Variants in FGF12 observed in about 807,000 individuals in gnomAD.
FGF12 encodes the protein fibroblast growth factor 12B.
FGF12 carries 14 observed loss-of-function variants against 23.6 expected under a neutral mutation model. That is an observed-to-expected ratio of 0.59 (90% CI 0.39 to 0.93). The LOEUF (loss-of-function observed/expected upper bound fraction) is 0.93. FGF12 is among the 40% of genes least tolerant of loss of function. The pLI, the probability that FGF12 is intolerant of heterozygous loss-of-function variation, is 0.00. For synonymous variants in FGF12, 62 were observed against 77.3 expected (o/e 0.80, Z 1.04); for missense variants, 175 against 217.8 (o/e 0.80, Z 1.24).
intron 5 of FGF12, among the ~76,000 whole-genome samples, chr3:192,165,916 C>T (rs531923180): frequency 5.9e-5 from 9 of 152,224 alleles, no homozygotes; most frequent in Admixed American, 2.0e-4. Context: ...CTTTAAATTA[C>T]GTTTCCTCAT....
intron 4 of FGF12, among the ~76,000 whole-genome samples, chr3:192,263,918 T>C (rs1375140914): frequency 1.3e-5 from 2 of 152,088 alleles, no homozygotes; most frequent in Non-Finnish European, 2.9e-5. Context: ...CTTCTTTGAC[T>C]CAAAATCATC....
At chr3:192,527,716 T>C (rs1724985265) in intron 2 of FGF12, among the ~76,000 whole-genome samples, 1 of 152,196 alleles carries the variant, frequency 6.6e-6, no homozygotes, top group South Asian at 2.1e-4. Context: ...ATTTTCATGC[T>C]GCTGATAAAG....
intron 2 of FGF12, among the ~76,000 whole-genome samples, chr3:192,386,883 A>G (rs528039780): frequency 5.1e-4 from 77 of 152,334 alleles, no homozygotes; most frequent in Non-Finnish European, 9.1e-4. Flanking sequence ...AACACTTACA[A>G]TGTTTCAGGT....
At chr3:192,579,417 C>CAT (rs1466070143) in intron 2 of FGF12, among the ~76,000 whole-genome samples, 1 of 152,282 alleles carries the variant, frequency 6.6e-6, no homozygotes, top group African/African-American at 2.4e-5. Context: ...CTGAATTGCG[C>CAT]ATATATATTC....
chr3:192,627,480 C>T (rs1715214042), intron 2 of FGF12, among the ~76,000 whole-genome samples: 1 of 151,752 alleles, frequency 6.6e-6, no homozygotes, highest in Non-Finnish European at 1.5e-5. Flanking sequence ...ATTATCATGC[C>T]AAAGGATTAA....
At chr3:192,627,731 T>A (rs1715224608) in intron 2 of FGF12, among the ~76,000 whole-genome samples, 2 of 152,198 alleles carry the variant, frequency 1.3e-5, no homozygotes, top group African/African-American at 4.8e-5. Context: ...AGAACCCGTG[T>A]ATACTTTACG....
At chr3:192,707,447 G>T (rs1718506846) in intron 2 of FGF12, among the ~76,000 whole-genome samples, 1 of 152,116 alleles carries the variant, frequency 6.6e-6, no homozygotes, top group Admixed American at 6.5e-5. Context: ...GTTCCCCATT[G>T]TTCAAGAATG....
chr3:192,214,599 C>T (rs1718095634), intron 4 of FGF12, among the ~76,000 whole-genome samples: 1 of 152,170 alleles, frequency 6.6e-6, no homozygotes, highest in African/African-American at 2.4e-5. Context: ...TCCTGTGTTC[C>T]ACATAGTTTC....
In FGF12 at chr3:192,378,711, T is replaced by C. The variant is rs1339391989; in HGVS notation, c.14-18173A>G. ...AAACTCCAAGAATCAAAAGCACTTT[T>C]TTTTAGGGTCCGGGGGTGCAGGTGT... is the stretch of plus-strand genomic sequence containing the variant. On this transcript the variant is annotated intron_variant, in intron 2 of 5. Coordinates refer to ENST00000445105, the MANE Select transcript of FGF12 (RefSeq NM_004113.6). Among the ~76,000 whole-genome samples the C allele has an allele frequency of 2.6e-5, 4 of 152,146 alleles. No individual in the cohort carries two copies. In the East Asian group the frequency reaches 7.7e-4, roughly 29 times the overall value.
chr3:192,374,482 T>C (rs1054816569), intron 2 of FGF12, among the ~76,000 whole-genome samples: 2 of 152,236 alleles, frequency 1.3e-5, no homozygotes, highest in Non-Finnish European at 2.9e-5. Context: ...TTGATTATGA[T>C]TTGAAGATTT....
chr3:192,587,028 G>A (rs1401803904), intron 2 of FGF12, among the ~76,000 whole-genome samples: 1 of 152,016 alleles, frequency 6.6e-6, no homozygotes, highest in Non-Finnish European at 1.5e-5. Context: ...ACTGACCCCG[G>A]GGGGTCTACT....
chr3:192,171,307 A>C (rs142645773), intron 4 of FGF12, among the ~76,000 whole-genome samples: 1 of 152,340 alleles, frequency 6.6e-6, no homozygotes, highest in East Asian at 1.9e-4. Flanking sequence ...TCAGTGAAAC[A>C]CAGAATGAGA....
chr3:192,674,662 T>C (rs1470749427), intron 2 of FGF12, among the ~76,000 whole-genome samples: 1 of 152,198 alleles, frequency 6.6e-6, no homozygotes, highest in Non-Finnish European at 1.5e-5. Flanking sequence ...GTCAAATGAT[T>C]ACTCTCCAAT....
chr3:192,540,611 C>A (rs553044224), intron 2 of FGF12, among the ~76,000 whole-genome samples: 4 of 152,180 alleles, frequency 2.6e-5, no homozygotes, highest in African/African-American at 4.8e-5. Flanking sequence ...ATGTATTCTG[C>A]AGTTATTGGA....
At chr3:192,411,680 G>A (rs1363127523) in intron 2 of FGF12, among the ~76,000 whole-genome samples, 1 of 152,144 alleles carries the variant, frequency 6.6e-6, no homozygotes, top group Non-Finnish European at 1.5e-5. Context: ...TCTCATTCTT[G>A]AGCAAGGCAG....
chr3:192,269,903 A>G (rs934415072), intron 4 of FGF12, among the ~76,000 whole-genome samples: 1 of 152,226 alleles, frequency 6.6e-6, no homozygotes, highest in Non-Finnish European at 1.5e-5. Flanking sequence ...AAATGGCTGA[A>G]AAGCTGAACA....
At chr3:192,474,342 T>C (rs950249000) in intron 2 of FGF12, among the ~76,000 whole-genome samples, 1 of 152,170 alleles carries the variant, frequency 6.6e-6, no homozygotes, top group Non-Finnish European at 1.5e-5. Context: ...TAGGGGCAAG[T>C]AATTCTTCTA....
intron 2 of FGF12, among the ~76,000 whole-genome samples, chr3:192,430,806 A>G (rs1403564429): frequency 6.6e-6 from 1 of 152,170 alleles, no homozygotes; most frequent in East Asian, 1.9e-4. Flanking sequence ...ACAGGTAAGG[A>G]AAGACATGAC....
chr3:192,272,598 T>C (rs1450964779), intron 4 of FGF12, among the ~76,000 whole-genome samples: 1 of 152,120 alleles, frequency 6.6e-6, no homozygotes. Context: ...TTTTAAATGA[T>C]ACTTCCCTAT....
Sources: allele counts gnomAD v4.1 joint callset (sites outside exome capture counted in the v4.1 genomes callset), GRCh38; gene constraint gnomAD v4.1.1; transcripts MANE v1.5; gene names NCBI Gene and HGNC (gene_info 2026-07-23, HGNC 2026-07-21).